IMPDH1: variants seen among roughly 807,000 people sequenced by gnomAD.
IMPDH1 encodes the protein inosine monophosphate dehydrogenase 1, also known as inosine-5'-monophosphate dehydrogenase 1.
IMPDH1 carries 41 observed loss-of-function variants against 73.5 expected under a neutral mutation model. The observed-to-expected ratio is 0.56, with a 90% CI of 0.43 to 0.72. The LOEUF (loss-of-function observed/expected upper bound fraction) is 0.72, where lower values mean the gene tolerates loss of function less well. Ranked by LOEUF, IMPDH1 falls within the 30% of genes least tolerant of loss-of-function variation. The probability of loss-of-function intolerance (pLI) is 0.00; values close to 1 mark genes in which losing one functional copy is unlikely to be tolerated. For missense variants in IMPDH1, 645 were observed against 824.8 expected (o/e 0.78, Z 2.67); for synonymous variants, 318 against 334.3 (o/e 0.95, Z 0.53).
intron 16 of IMPDH1, among the ~76,000 whole-genome samples, chr7:128,393,321 C>G (rs536765683): frequency 6.6e-6 from 1 of 152,336 alleles, no homozygotes; most frequent in Non-Finnish European, 1.5e-5. Context: ...ACAGCTCAGG[C>G]AGGCATGGCC....
intron 5 of IMPDH1, 36 bp downstream of exon 5, chr7:128,403,670 C>A: frequency 6.3e-7 from 1 of 1,593,182 alleles, no homozygotes; most frequent in Middle Eastern, 1.7e-4. Flanking sequence ...ACCACATACA[C>A]AGCCCCCTCC....
intron 5 of IMPDH1, 68 bp downstream of exon 5, chr7:128,403,638 G>GAGCAAGA: frequency 2.9e-6 from 4 of 1,400,060 alleles, no homozygotes; most frequent in Non-Finnish European, 3.0e-6. Flanking sequence ...CCCTGCCCCT[G>GAGCAAGA]AGCAAGAAGT....
chr7:128,409,315 G>T lies in IMPDH1; in HGVS notation c.228C>A (p.Val76=). The T allele has an allele frequency of 4.3e-6, 7 of 1,614,096 alleles. No individual in the cohort carries two copies. Among genetic ancestry groups the T allele is most frequent in the Non-Finnish European group, 5.9e-6 (7 of 1,179,976 alleles). The change falls in exon 3 of 17, where the codon GTC becomes GTA. Residue 76 remains valine (V), a synonymous_variant. Transcript: ENST00000338791. ...TAGCCCTGCGAAGGCGATCCATCTG[G>T]ACACCAACACCTGCCAGTAAGACCA... The part of the protein sequence containing the change: ...SSVVLLAGVG[V]QMDRLRRASM...
chr7:128,404,386 G>T (rs554871010), intron 4 of IMPDH1, among the ~76,000 whole-genome samples: 1 of 152,310 alleles, frequency 6.6e-6, no homozygotes, highest in East Asian at 1.9e-4. Flanking sequence ...CCCAGCCAAA[G>T]CATGGCAGCT....
intron 5 of IMPDH1, among the ~76,000 whole-genome samples, chr7:128,401,810 G>C (rs2116678981): frequency 6.6e-6 from 1 of 152,290 alleles, no homozygotes; most frequent in African/African-American, 2.4e-5. Flanking sequence ...AGAGTGGTCA[G>C]GATTGCAAGT....
intron 10 of IMPDH1, among the ~76,000 whole-genome samples, chr7:128,397,409 T>C (rs914306466): frequency 6.6e-6 from 1 of 152,212 alleles, no homozygotes; most frequent in African/African-American, 2.4e-5. Context: ...ATGGCGACTG[T>C]TCCTCAATGG....
At chr7:128,405,908 C>A (rs1798704011) in intron 3 of IMPDH1, 43 bp from the exon 4 acceptor site, 2 of 1,457,094 alleles carry the variant, frequency 1.4e-6, no homozygotes, top group Non-Finnish European at 1.8e-6. Flanking sequence ...CCCGCGCGGC[C>A]GCCCGCCGCT....
chr7:128,400,372 G>A lies in IMPDH1; in HGVS notation c.747C>T (p.Asp249=). The A allele has an allele frequency of 6.2e-7, 1 of 1,613,502 alleles. No individual in the cohort carries two copies. Among genetic ancestry groups the A allele is most frequent in the Non-Finnish European group, 8.5e-7 (1 of 1,179,838 alleles). ...TGGTGTGGTCCTTCTCAGCAAGAAAGTCGATGTCTCGGGAGGTGACGATGC... is the reference window on the plus strand; with the variant it reads ...TGGTGTGGTCCTTCTCAGCAAGAAAATCGATGTCTCGGGAGGTGACGATGC... ...LVGIVTSRDI[D]FLAEKDHTTL... Residue 249 remains aspartate (D), a synonymous_variant, in exon 8 of 17, where the codon GAC becomes GAT. Coordinates refer to ENST00000338791, the MANE Select transcript of IMPDH1 (RefSeq NM_000883.4).
Position 128,398,537 on chromosome 7 carries a change from G to A in IMPDH1, c.951C>T (p.Asp317=). 6.2e-7 allele frequency: 1 copy of A among 1,613,718 alleles called. No individual in the cohort carries two copies. Among genetic ancestry groups the A allele is most frequent in the Non-Finnish European group, 8.5e-7 (1 of 1,179,782 alleles). ...IARTDLKKNR[D]YPLASKDSQK... Reference sequence around the variant, plus strand: ...GGGAATCCTTGGAGGCCAGAGGGTAGTCTCGGTTCTTCTTCAGGTCGGTGC... The same window carrying A: ...GGGAATCCTTGGAGGCCAGAGGGTAATCTCGGTTCTTCTTCAGGTCGGTGC... Residue 317 remains aspartate, a synonymous_variant, in exon 10 of 17, where the codon GAC becomes GAT. Coordinates refer to ENST00000338791, the MANE Select transcript of IMPDH1 (RefSeq NM_000883.4). This position sits in a 1 kb window ranked among gnomAD's most constrained non-coding sequence, Gnocchi z 4.3.
rs1334488177 is a variant in IMPDH1 at position 128,394,742 on chromosome 7, G to A, written c.1551-143C>T. The A allele has an allele frequency of 4.3e-6, 6 of 1,392,122 alleles. No individual in the cohort carries two copies. Among genetic ancestry groups the A allele is most frequent in the Non-Finnish European group, 5.0e-6 (5 of 997,154 alleles). 86.2% of individuals were successfully genotyped at this position (1,392,122 alleles called of 1,614,324 possible). On this transcript the variant is annotated intron_variant, in intron 14 of 16. Coordinates refer to ENST00000338791, the MANE Select transcript of IMPDH1 (RefSeq NM_000883.4). The surrounding 1 kb of genome is among the most constrained non-coding windows in gnomAD (Gnocchi z 5.5). ...GGCTGAGTCAGATGGCCCAGGGACA[G>A]ATCCTGGGTCTGCTACTTAAGCCCT...
intron 9 of IMPDH1, among the ~76,000 whole-genome samples, chr7:128,399,868 T>C (rs1344198256): frequency 2.0e-5 from 3 of 152,172 alleles, no homozygotes; most frequent in East Asian, 1.9e-4. Flanking sequence ...GAGCATCGCA[T>C]AGGACTAGTT....
intron 16 of IMPDH1, among the ~76,000 whole-genome samples, chr7:128,393,998 G>A (rs1797721756): frequency 6.6e-6 from 1 of 152,216 alleles, no homozygotes; most frequent in Non-Finnish European, 1.5e-5. Flanking sequence ...TCCTGAGCAA[G>A]CAAGGGCTGG....
At chr7:128,407,339 C>A (rs1798842002) in intron 3 of IMPDH1, among the ~76,000 whole-genome samples, 1 of 152,192 alleles carries the variant, frequency 6.6e-6, no homozygotes, top group Non-Finnish European at 1.5e-5. Flanking sequence ...GGGACCCTGC[C>A]AGGAAAACAC....
rs906489862 is a variant in IMPDH1, at chr7:128,403,900, G to A, written c.354-146C>T. On this transcript the variant is annotated intron_variant, in intron 4 of 16. Transcript: ENST00000338791. ...CCCCCCATCCCTACTGCCCCATCAG[G>A]GCAGTTCCCACCTCGTGCACCTCAC... The A allele has an allele frequency of 6.7e-6, 5 of 741,078 alleles. No individual in the cohort carries two copies. In the African/African-American group the frequency reaches 8.7e-5, roughly 13 times the overall value. 45.9% of individuals were successfully genotyped at this position (741,078 alleles called of 1,614,324 possible).
rs1404744383 is a variant in IMPDH1 at position 128,392,682 on chromosome 7, G to A, written c.*325C>T. ...GGTGCCCTACAGGAGAAGCCAGGAG[G>A]GGCCGCCTGCCCCTGGGGTGGGGGC... is the stretch of plus-strand genomic sequence containing the variant. On this transcript the variant is annotated 3_prime_UTR_variant, in exon 17 of 17. Transcript: ENST00000338791. The A allele has an allele frequency of 2.7e-6, 1 of 377,122 alleles. No individual in the cohort carries two copies. Among genetic ancestry groups the A allele is most frequent in the East Asian group, 5.5e-5 (1 of 18,254 alleles). The allele number at this position is 377,122 out of a possible 1,614,324, so 23.4% of individuals were successfully genotyped here.
chr7:128,401,343 A>G (rs191711204), intron 5 of IMPDH1, among the ~76,000 whole-genome samples: 44 of 152,324 alleles, frequency 2.9e-4, no homozygotes, highest in Non-Finnish European at 5.7e-4. Context: ...GGCTGCAGAG[A>G]AAAACAAAAA....
chr7:128,405,267 C>T (rs62481103), intron 4 of IMPDH1, among the ~76,000 whole-genome samples: 21,335 of 152,210 alleles, frequency 0.14, 1,616 homozygotes, highest in South Asian at 0.22. Flanking sequence ...CAATACCAAC[C>T]TGTGGGCAGG....
At chr7:128,399,647 A>G (rs1798176380) in intron 9 of IMPDH1, among the ~76,000 whole-genome samples, 1 of 152,106 alleles carries the variant, frequency 6.6e-6, no homozygotes. Context: ...ACATTGCGCC[A>G]CTGTACTCCA....
In IMPDH1 at chr7:128,392,837, G is replaced by A; in HGVS notation, c.*170C>T. The stretch of plus-strand genomic sequence containing the variant: ...GAGCAGTCCTGACTCTGCAGGGGAT[G>A]CCGAGTGAGGGGCAGCAGTCCCCTC... On this transcript the variant is annotated 3_prime_UTR_variant, in exon 17 of 17. Coordinates refer to ENST00000338791, the MANE Select transcript of IMPDH1 (RefSeq NM_000883.4). 1 of 662,420 alleles carries A rather than the reference G, an allele frequency of 1.5e-6. No homozygotes were observed. The allele number at this position is 662,420 out of a possible 1,614,324, so 41.0% of individuals were successfully genotyped here.
Sources: allele counts gnomAD v4.1 joint callset (sites outside exome capture counted in the v4.1 genomes callset), GRCh38; gene constraint gnomAD v4.1.1; non-coding constraint Gnocchi (gnomAD v3.1); transcripts MANE v1.5; gene names NCBI Gene and HGNC (gene_info 2026-07-23, HGNC 2026-07-21).